COMMD1: variants seen among roughly 807,000 people sequenced by gnomAD.
The protein encoded by COMMD1 is copper metabolism domain containing 1.
COMMD1 carries 10 observed loss-of-function variants against 17.2 expected under a neutral mutation model. That is an observed-to-expected ratio of 0.58 (90% CI 0.36 to 0.99). The LOEUF is 0.99. Ranked by LOEUF, COMMD1 falls within the 50% of genes least tolerant of loss-of-function variation. The probability of loss-of-function intolerance (pLI) is 0.01; values close to 1 mark genes in which losing one functional copy is unlikely to be tolerated. For synonymous variants in COMMD1, 97 were observed against 91.6 expected, an observed-to-expected ratio of 1.06 and a Z score of -0.34; for missense variants, 270 against 231.8, an observed-to-expected ratio of 1.17 and a Z score of -1.07.
At chr2:62,013,281 CAAAAAG>C (rs766898701) in intron 2 of COMMD1, among the ~76,000 whole-genome samples, 16 of 151,422 alleles carry the variant, frequency 1.1e-4, no homozygotes, top group Non-Finnish European at 2.1e-4. Context: ...TACAAAACAA[CAAAAAG>C]AAAAACTGTT....
chr2:61,962,685 C>T (rs1329068573), intron 1 of COMMD1, among the ~76,000 whole-genome samples: 2 of 152,040 alleles, frequency 1.3e-5, no homozygotes, highest in East Asian at 3.9e-4. Flanking sequence ...TGTGGGAACC[C>T]CTGAATCCCT....
At chr2:62,078,878 G>GAA (rs756558935) in intron 2 of COMMD1, among the ~76,000 whole-genome samples, 6 of 96,866 alleles carry the variant, frequency 6.2e-5, no homozygotes, top group Non-Finnish European at 8.8e-5. Context: ...CTCCATCTCA[G>GAA]AAAAAAAAAA....
chr2:61,895,566 T>G (rs892008711), intron 1 of COMMD1, among the ~76,000 whole-genome samples: 1 of 152,036 alleles, frequency 6.6e-6, no homozygotes, highest in Non-Finnish European at 1.5e-5. Context: ...CTGCAACAGC[T>G]CTAAGTCTCA....
At chr2:62,104,633 C>CAAAAAAA (rs35679940) in intron 2 of COMMD1, among the ~76,000 whole-genome samples, 24 of 76,660 alleles carry the variant, frequency 3.1e-4, no homozygotes, top group African/African-American at 5.1e-4. Context: ...GACTCCGTCT[C>CAAAAAAA]AAAAAAAAAA....
At chr2:61,915,577 C>CCCAA (rs949084628) in intron 1 of COMMD1, 1 of 352,002 alleles carries the variant, frequency 2.8e-6, no homozygotes, top group Non-Finnish European at 5.7e-6. Context: ...GCAGCCTTGA[C>CCCAA]CTCTTGGGCT....
chr2:62,070,170 A>G (rs1296701053), intron 2 of COMMD1: 1 of 152,244 alleles, frequency 6.6e-6, no homozygotes, highest in African/African-American at 2.4e-5. Context: ...CACAGAACTC[A>G]GGAAAGTACT....
At chr2:61,908,246 G>A (rs1359042860) in intron 1 of COMMD1, among the ~76,000 whole-genome samples, 1 of 50,624 alleles carries the variant, frequency 2.0e-5, no homozygotes, top group Non-Finnish European at 3.9e-5. Flanking sequence ...TTTTTTTTTT[G>A]AGACGGAGTC....
At chr2:62,116,992 G>A (rs1284865475) in intron 2 of COMMD1, among the ~76,000 whole-genome samples, 1 of 124,274 alleles carries the variant, frequency 8.0e-6, no homozygotes, top group Admixed American at 8.4e-5. Context: ...CGAAAACTTC[G>A]TCTCAAAAAA....
intron 2 of COMMD1, among the ~76,000 whole-genome samples, chr2:62,035,736 T>C (rs1420664579): frequency 2.3e-5 from 3 of 129,466 alleles, no homozygotes; most frequent in Non-Finnish European, 4.7e-5. Flanking sequence ...TGAGACTCTG[T>C]CTCAATTAAA....
intron 2 of COMMD1, among the ~76,000 whole-genome samples, chr2:62,043,164 C>T (rs1670286919): frequency 6.6e-6 from 1 of 152,182 alleles, no homozygotes; most frequent in Non-Finnish European, 1.5e-5. Context: ...CTGGATATAG[C>T]TTCAGGCAAA....
rs1041032387 is a variant in COMMD1 at position 62,112,530 on chromosome 2, G to A, written c.463-23301G>A. Among the ~76,000 whole-genome samples the A allele has an allele frequency of 3.9e-5, 6 of 152,220 alleles. No individual in the cohort carries two copies. In the East Asian group the frequency reaches 1.2e-3, roughly 29 times the overall value. ...TAAAATGTTTAGAACTCCTTATAAA[G>A]TGTCAAGGGACGGGGTATGTGTAAC... is the stretch of plus-strand genomic sequence containing the variant. On this transcript the variant is annotated intron_variant, in intron 2 of 2. Transcript: ENST00000311832.
At chr2:61,952,729 T>C (rs1285702865) in intron 1 of COMMD1, among the ~76,000 whole-genome samples, 1 of 152,216 alleles carries the variant, frequency 6.6e-6, no homozygotes, top group Non-Finnish European at 1.5e-5. Flanking sequence ...AAATTCTTTC[T>C]TTACTGGACT....
chr2:62,013,120 C>G (rs2103835865), intron 2 of COMMD1, among the ~76,000 whole-genome samples: 1 of 152,190 alleles, frequency 6.6e-6, no homozygotes, highest in South Asian at 2.1e-4. Context: ...GAATGGATTT[C>G]TGGGATCTCA....
chr2:61,950,013 A>C (rs1327458001), intron 1 of COMMD1, among the ~76,000 whole-genome samples: 1 of 152,218 alleles, frequency 6.6e-6, no homozygotes. Context: ...GCTATCCCTG[A>C]GAAGGAAAGG....
upstream of COMMD1, chr2:61,888,637 A>AGGAGGC (rs964194615): frequency 3.8e-5 from 43 of 1,130,764 alleles, no homozygotes; most frequent in African/African-American, 2.9e-4. Context: ...CGGCGTCGGG[A>AGGAGGC]GGAGGCGGAG....
chr2:62,001,859 T>A (rs891169926), intron 2 of COMMD1, among the ~76,000 whole-genome samples: 45 of 152,206 alleles, frequency 3.0e-4, no homozygotes, highest in Non-Finnish European at 1.3e-4. Context: ...ATTTAAAAGA[T>A]AATTCAGGGC....
At chr2:62,011,620 G>T (rs1669280909) in intron 2 of COMMD1, among the ~76,000 whole-genome samples, 1 of 151,970 alleles carries the variant, frequency 6.6e-6, no homozygotes, top group Non-Finnish European at 1.5e-5. Flanking sequence ...TCTCCTATGT[G>T]TCAGACACTA....
At chr2:62,046,628 C>T (rs921239346) in intron 2 of COMMD1, among the ~76,000 whole-genome samples, 1 of 152,218 alleles carries the variant, frequency 6.6e-6, no homozygotes, top group Non-Finnish European at 1.5e-5. Context: ...CTTATGCCTA[C>T]TATATTGTCT....
chr2:62,014,788 A>G (rs1315943322), intron 2 of COMMD1, among the ~76,000 whole-genome samples: 1 of 151,564 alleles, frequency 6.6e-6, no homozygotes, highest in Admixed American at 6.6e-5. Context: ...TATGGTCTTG[A>G]ACTCCTGACC....
Sources: allele counts gnomAD v4.1 joint callset (sites outside exome capture counted in the v4.1 genomes callset), GRCh38; gene constraint gnomAD v4.1.1; transcripts MANE v1.5; gene names NCBI Gene and HGNC (gene_info 2026-07-23, HGNC 2026-07-21).